CASZ1: variants seen among roughly 807,000 people sequenced by gnomAD.
CASZ1 encodes the protein castor zinc finger 1, also known as zinc finger protein castor homolog 1.
Under a neutral mutation model 135.2 loss-of-function variants are expected in CASZ1, and 28 were observed. That is an observed-to-expected ratio of 0.21 (90% CI 0.15 to 0.28). CASZ1 has a LOEUF of 0.28. CASZ1 is among the 10% of genes least tolerant of loss of function. The pLI, the probability that CASZ1 is intolerant of heterozygous loss-of-function variation, is 1.00. For missense variants in CASZ1, 2,161 were observed against 2,453.3 expected (o/e 0.88, Z 2.52); for synonymous variants, 1,068 against 1,073.4 (o/e 0.99, Z 0.10).
intron 2 of CASZ1, among the ~76,000 whole-genome samples, chr1:10,752,565 C>T (rs1640168003): frequency 6.6e-6 from 1 of 152,166 alleles, no homozygotes; most frequent in African/African-American, 2.4e-5. Context: ...TGGAGGTCAT[C>T]GTGACCCCAG....
At position 10,655,769 on chromosome 1, in the gene CASZ1, G is replaced by A; in HGVS notation, c.1545C>T (p.His515=). 1.2e-6 allele frequency: 2 copies of A among 1,614,224 alleles called. No homozygotes were observed. The highest frequency in any genetic ancestry group is 1.7e-6 in the Non-Finnish European group (2 of 1,180,020). ...KQDVIRHYNM[H]KKRDNSLQHG... is the part of the protein sequence containing the mutation. ...GCTGCAGGGAGTTGTCGCGCTTCTT[G>A]TGCATGTTGTAGTGGCGGATCACGT... The change falls in exon 9 of 21, where the codon CAC becomes CAT. Residue 515 remains histidine (H), a synonymous_variant. Transcript: ENST00000377022.
rs1642834305 is a variant in CASZ1 at position 10,657,248 on chromosome 1, C to A, written c.1410-512G>T. On this transcript the variant is annotated intron_variant, in intron 7 of 20. Coordinates refer to ENST00000377022, the MANE Select transcript of CASZ1 (RefSeq NM_001079843.3). This position sits in a 1 kb window ranked among gnomAD's most constrained non-coding sequence, Gnocchi z 5.7. ...TTGGCTTCCTACAGCAACGAGCTCA[C>A]TCTCCAGCCGCCGCCGCCACCGCCA... 6.6e-6 allele frequency among the ~76,000 whole-genome samples: 1 copy of A among 152,240 alleles called. No individual in the cohort carries two copies. The highest frequency in any genetic ancestry group is 2.1e-4 in the South Asian group (1 of 4,830).
rs1642378527 is a variant in CASZ1, at chr1:10,646,902, C to G, written c.3498-576G>C. 6.6e-6 allele frequency among the ~76,000 whole-genome samples: 1 copy of G among 152,166 alleles called. No homozygotes were observed. The highest frequency in any genetic ancestry group is 1.5e-5 in the Non-Finnish European group (1 of 68,008). On this transcript the variant is annotated intron_variant, in intron 16 of 20. Coordinates refer to ENST00000377022, the MANE Select transcript of CASZ1 (RefSeq NM_001079843.3). This position sits in a 1 kb window ranked among gnomAD's most constrained non-coding sequence, Gnocchi z 6.4. Reference sequence around the variant, plus strand: ...TGCCCACCCACTCAGACCTCACTTGCCGGCGGAGTGGGAGAGCTGCTGGGG... The same window carrying G: ...TGCCCACCCACTCAGACCTCACTTGGCGGCGGAGTGGGAGAGCTGCTGGGG...
At chr1:10,753,749 A>G (rs1640192267) in intron 2 of CASZ1, among the ~76,000 whole-genome samples, 1 of 152,174 alleles carries the variant, frequency 6.6e-6, no homozygotes, top group Non-Finnish European at 1.5e-5. Flanking sequence ...CAGATGAAAC[A>G]TCGAGAGAGT....
intron 2 of CASZ1, among the ~76,000 whole-genome samples, chr1:10,748,783 G>A (rs535602838): frequency 1.4e-4 from 21 of 152,334 alleles, no homozygotes; most frequent in African/African-American, 5.1e-4. Flanking sequence ...ACTCCACAGT[G>A]TCTCCAATTC....
At chr1:10,787,462 C>T (rs1640878726) in intron 1 of CASZ1, among the ~76,000 whole-genome samples, 2 of 152,238 alleles carry the variant, frequency 1.3e-5, no homozygotes, top group Admixed American at 1.3e-4. Context: ...GACGAGTGGG[C>T]CCAGAAATGG....
At chr1:10,751,741 G>T (rs1457789090) in intron 2 of CASZ1, among the ~76,000 whole-genome samples, 3 of 152,190 alleles carry the variant, frequency 2.0e-5, no homozygotes, top group Non-Finnish European at 4.4e-5. Context: ...AGATGCCCTG[G>T]CTGGCTGTGC....
intron 5 of CASZ1, among the ~76,000 whole-genome samples, chr1:10,663,270 G>A (rs1232393858): frequency 2.0e-5 from 3 of 152,196 alleles, no homozygotes; most frequent in African/African-American, 7.2e-5. Flanking sequence ...GGCCTGGGGA[G>A]GGGAGGACAC....
At chr1:10,752,518 C>T (rs981189992) in intron 2 of CASZ1, among the ~76,000 whole-genome samples, 10 of 152,170 alleles carry the variant, frequency 6.6e-5, no homozygotes, top group Admixed American at 4.6e-4. Flanking sequence ...AAGTGGCCGG[C>T]GTTTGCCTCC....
rs1384600245 is a variant in CASZ1 at position 10,755,335 on chromosome 1, T to C, written c.-77+5366A>G. ...CTTGAAGGTCTACACGAGGAGATGA[T>C]GCAGTCAGGACTCCGGGACTCCTCC... On this transcript the variant is annotated intron_variant, in intron 2 of 20. Coordinates refer to ENST00000377022, the MANE Select transcript of CASZ1 (RefSeq NM_001079843.3). The surrounding 1 kb of genome is among the most constrained non-coding windows in gnomAD (Gnocchi z 4.3). Among the ~76,000 whole-genome samples, 1 of 152,140 alleles carries C rather than the reference T, an allele frequency of 6.6e-6. No individual in the cohort carries two copies. Among genetic ancestry groups the C allele is most frequent in the African/African-American group, 2.4e-5 (1 of 41,420 alleles).
rs1570584661 is a variant in CASZ1, at chr1:10,777,945, T to C, written c.-233-17088A>G. On this transcript the variant is annotated intron_variant, in intron 1 of 20. Coordinates refer to ENST00000377022, the MANE Select transcript of CASZ1 (RefSeq NM_001079843.3). The surrounding 1 kb of genome is among the most constrained non-coding windows in gnomAD (Gnocchi z 4.4). ...CAGTCTTCCACACCATTTCACACTA[T>C]GTCACAACCACATACAATCTCATAC... is the stretch of plus-strand genomic sequence containing the variant. Among the ~76,000 whole-genome samples the C allele has an allele frequency of 6.6e-6, 1 of 151,624 alleles. No homozygotes were observed.
intron 4 of CASZ1, among the ~76,000 whole-genome samples, chr1:10,675,429 C>T (rs918979982): frequency 1.6e-4 from 25 of 152,004 alleles, no homozygotes; most frequent in East Asian, 1.9e-4. Context: ...GGGCACAGTG[C>T]GAGCAGGCGG....
rs1639036735 is a variant in CASZ1, at chr1:10,700,366, G to A, written c.-24+5126C>T. On this transcript the variant is annotated intron_variant, in intron 3 of 20. Coordinates refer to ENST00000377022, the MANE Select transcript of CASZ1 (RefSeq NM_001079843.3). The surrounding 1 kb of genome is among the most constrained non-coding windows in gnomAD (Gnocchi z 4.2). ...GCCTCCCTTCTAGGAGCAGGGCTGG[G>A]GAGAAGCCAAGGGAGGGGTCCCAGG... 6.6e-6 allele frequency among the ~76,000 whole-genome samples: 1 copy of A among 152,228 alleles called. No homozygotes were observed. The highest frequency in any genetic ancestry group is 2.4e-5 in the African/African-American group (1 of 41,460).
rs879908459 is a variant in CASZ1, at chr1:10,657,332, C to T, written c.1410-596G>A. Among the ~76,000 whole-genome samples, 4 of 152,216 alleles carry T rather than the reference C, an allele frequency of 2.6e-5. No homozygotes were observed. The highest frequency in any genetic ancestry group is 2.9e-5 in the Non-Finnish European group (2 of 68,032). ...CCTCCAGGCCCCAGGGCCGCTGGGA[C>T]GTGGCTCCCACAGCCTCGGTGACGG... is the stretch of plus-strand genomic sequence containing the variant. On this transcript the variant is annotated intron_variant, in intron 7 of 20. Transcript: ENST00000377022. This position sits in a 1 kb window ranked among gnomAD's most constrained non-coding sequence, Gnocchi z 5.7.
intron 2 of CASZ1, among the ~76,000 whole-genome samples, chr1:10,715,602 ACAGCACCCAATCCGCTC>A (rs1639366045): frequency 1.5e-5 from 2 of 134,528 alleles, no homozygotes; most frequent in African/African-American, 2.9e-5. Context: ...TCCGCACCCC[ACAGCACCCAATCCGCTC>A]CCCACAGCAC....
At chr1:10,758,861 G>A (rs541242718) in intron 2 of CASZ1, among the ~76,000 whole-genome samples, 2 of 152,326 alleles carry the variant, frequency 1.3e-5, no homozygotes, top group East Asian at 3.9e-4. Flanking sequence ...TAAGTGAGGA[G>A]GGACTTGGCC....
At chr1:10,660,594 CCCCCCACTGGGGG>C in intron 5 of CASZ1, 58 bp from the exon 6 acceptor site, 1 of 1,494,248 alleles carries the variant, frequency 6.7e-7, no homozygotes, top group Non-Finnish European at 9.1e-7. Flanking sequence ...GACAGGAGGT[CCCCCCACTGGGGG>C]CCCCCACCCA....
Position 10,644,997 on chromosome 1 carries a change from A to T in CASZ1, c.3788T>A (p.Ile1263Asn), listed in dbSNP as rs1311609126. 1 of 1,613,906 alleles carries T rather than the reference A, an allele frequency of 6.2e-7. No homozygotes were observed. Among genetic ancestry groups the T allele is most frequent in the Non-Finnish European group, 8.5e-7 (1 of 1,180,022 alleles). Residue 1263 changes from isoleucine (I) to asparagine (N), a missense_variant, in exon 18 of 21, where the codon ATC (isoleucine) becomes AAC (asparagine). This residue lies in a region of CASZ1 where 349 missense variants were observed against 460.8 expected (regional missense o/e 0.76). Transcript: ENST00000377022. ...TNITTKLPWH[I>N]KKHEKAERRA... is the part of the protein sequence containing the mutation. ...CCGCTCCGCCTTCTCATGCTTCTTG[A>T]TGTGCCAGGGGAGCTTGGTGGTGAT... is the stretch of plus-strand genomic sequence containing the variant.
chr1:10,732,654 AG>A (rs765733583), intron 2 of CASZ1, among the ~76,000 whole-genome samples: 1 of 152,150 alleles, frequency 6.6e-6, no homozygotes, highest in African/African-American at 2.4e-5. Flanking sequence ...GAGGCAGAGG[AG>A]GGGGAGATGG....
Sources: allele counts gnomAD v4.1 joint callset (sites outside exome capture counted in the v4.1 genomes callset), GRCh38; gene constraint gnomAD v4.1.1; regional missense constraint gnomAD v4.1.1; non-coding constraint Gnocchi (gnomAD v3.1); transcripts MANE v1.5; gene names NCBI Gene and HGNC (gene_info 2026-07-23, HGNC 2026-07-21).